The following DYNC2I1 variants were observed in gnomAD, a reference collection of about 807,000 sequenced individuals.
The protein encoded by DYNC2I1 is cytoplasmic dynein 2 intermediate chain 1.
Under a neutral mutation model 133.4 loss-of-function variants are expected in DYNC2I1, and 89 were observed. The observed-to-expected ratio is 0.67, with a 90% CI of 0.56 to 0.80. DYNC2I1 has a LOEUF of 0.80. Among genes scored for constraint, DYNC2I1 ranks in the 30% least tolerant of loss-of-function variants. The pLI is 0.00. For missense variants in DYNC2I1, 1,291 were observed against 1,314.5 expected (o/e 0.98, Z 0.28); for synonymous variants, 504 against 484.3 (o/e 1.04, Z -0.54).
At chr7:158,924,677 A>G (rs1470516830) in intron 17 of DYNC2I1, among the ~76,000 whole-genome samples, 1 of 152,220 alleles carries the variant, frequency 6.6e-6, no homozygotes, top group African/African-American at 2.4e-5. Context: ...TTACTAAAAA[A>G]TTTTTGAATT....
intron 3 of DYNC2I1, among the ~76,000 whole-genome samples, chr7:158,874,951 C>G (rs1329379892): frequency 6.6e-6 from 1 of 152,160 alleles, no homozygotes; most frequent in African/African-American, 2.4e-5. Flanking sequence ...GTCACAAGAC[C>G]TGGGATATAT....
intron 20 of DYNC2I1, among the ~76,000 whole-genome samples, chr7:158,928,845 C>A (rs533010584): frequency 6.6e-6 from 1 of 152,222 alleles, no homozygotes; most frequent in East Asian, 1.9e-4. Flanking sequence ...CTCTTGTGAC[C>A]TTAAGAGTGC....
At chr7:158,928,434 G>T (rs1231866371) in intron 20 of DYNC2I1, among the ~76,000 whole-genome samples, 1 of 152,224 alleles carries the variant, frequency 6.6e-6, no homozygotes, top group Non-Finnish European at 1.5e-5. Flanking sequence ...GATGAGGGAA[G>T]AGGCCACTTT....
chr7:158,879,999 C>G lies in DYNC2I1; in HGVS notation c.879+10C>G, dbSNP rs1308341651. 2.3e-5 allele frequency: 37 copies of G among 1,575,140 alleles called. No individual in the cohort carries two copies. The highest frequency in any genetic ancestry group is 3.1e-5 in the Non-Finnish European group (36 of 1,166,196). On this transcript the variant is annotated intron_variant, in intron 5 of 24. Transcript: ENST00000407559. ...GAAAAGGGAATCCCAGGTACCCCTTCTGATGCTTCGTTGCCTTAGCAGCCG... is the reference window on the plus strand; with the variant it reads ...GAAAAGGGAATCCCAGGTACCCCTTGTGATGCTTCGTTGCCTTAGCAGCCG...
At chr7:158,866,910 A>G (rs1395334427) in intron 1 of DYNC2I1, among the ~76,000 whole-genome samples, 1 of 151,492 alleles carries the variant, frequency 6.6e-6, no homozygotes, top group Non-Finnish European at 1.5e-5. Context: ...TGTTTAATAT[A>G]TTTATGAGGT....
chr7:158,930,187 A>G (rs1468974856), intron 20 of DYNC2I1, among the ~76,000 whole-genome samples: 2 of 151,384 alleles, frequency 1.3e-5, no homozygotes, highest in Non-Finnish European at 2.9e-5. Flanking sequence ...TTATTTTATC[A>G]GATCTAATGA....
rs529943812 is a variant in DYNC2I1 at position 158,924,149 on chromosome 7, C to T, written c.2257+416C>T. Among the ~76,000 whole-genome samples, 4 of 152,344 alleles carry T rather than the reference C, an allele frequency of 2.6e-5. No individual in the cohort carries two copies. The South Asian group carries it at 8.3e-4, about 32-fold the overall frequency. On this transcript the variant is annotated intron_variant, in intron 17 of 24. Transcript: ENST00000407559. ...GGCTTGACTCGGGTGGACATTCATA[C>T]TATGCCGTGCCCAGCCACCACAGTA...
At chr7:158,935,955 A>G (rs1476494206) in intron 23 of DYNC2I1, among the ~76,000 whole-genome samples, 1 of 152,176 alleles carries the variant, frequency 6.6e-6, no homozygotes, top group Non-Finnish European at 1.5e-5. Flanking sequence ...CACTTCGGGC[A>G]TCCCAGGCAG....
At chr7:158,954,068 A>G (rs187322979) in intron 4 of DYNC2I1, among the ~76,000 whole-genome samples, 60 of 152,138 alleles carry the variant, frequency 3.9e-4, no homozygotes, top group African/African-American at 1.4e-3. Context: ...TTCTCGAGAT[A>G]GTGAGTAAGT....
intron 1 of DYNC2I1, among the ~76,000 whole-genome samples, chr7:158,859,924 G>A (rs1841721917): frequency 1.3e-5 from 2 of 152,178 alleles, no homozygotes; most frequent in Admixed American, 6.5e-5. Flanking sequence ...TGGGTCATTA[G>A]AATCTAATTA....
chr7:158,933,824 T>G (rs929268097), intron 21 of DYNC2I1, among the ~76,000 whole-genome samples: 8 of 152,208 alleles, frequency 5.3e-5, no homozygotes, highest in African/African-American at 1.9e-4. Flanking sequence ...TTGAGACAGT[T>G]GTACAATCTA....
intron 23 of DYNC2I1, among the ~76,000 whole-genome samples, chr7:158,941,295 T>C (rs948175780): frequency 6.6e-6 from 1 of 152,226 alleles, no homozygotes; most frequent in African/African-American, 2.4e-5. Flanking sequence ...TGTAGTTTTT[T>C]AAAAGGTGCC....
chr7:158,922,876 G>T (rs887711103), intron 16 of DYNC2I1, among the ~76,000 whole-genome samples: 2 of 152,064 alleles, frequency 1.3e-5, no homozygotes, highest in African/African-American at 2.4e-5. Flanking sequence ...CTAGATGCCT[G>T]TGTTTTTGCC....
At chr7:158,936,884 G>A (rs1409461031) in intron 23 of DYNC2I1, among the ~76,000 whole-genome samples, 1 of 152,208 alleles carries the variant, frequency 6.6e-6, no homozygotes, top group Non-Finnish European at 1.5e-5. Context: ...CAGCAACCTA[G>A]CAGAGAAGAT....
chr7:158,858,157 A>G (rs1338600831), intron 1 of DYNC2I1, among the ~76,000 whole-genome samples: 2 of 151,868 alleles, frequency 1.3e-5, no homozygotes, highest in African/African-American at 4.8e-5. Context: ...TGCACTCCCC[A>G]TTTCTCCCTA....
intron 1 of DYNC2I1, among the ~76,000 whole-genome samples, chr7:158,864,545 G>A (rs1349424912): frequency 3.3e-5 from 5 of 152,166 alleles, no homozygotes; most frequent in East Asian, 1.9e-4. Flanking sequence ...GTTTCGCTGT[G>A]TTGCCTGGGC....
chr7:158,930,323 T>A (rs2730241), intron 20 of DYNC2I1, 132 bp from the exon 21 acceptor site: 5 of 805,440 alleles, frequency 6.2e-6, no homozygotes, highest in Non-Finnish European at 1.1e-5. Context: ...GGATGCTGTG[T>A]ATTGATTTGC....
At chr7:158,940,396 C>T (rs1237236913) in intron 23 of DYNC2I1, among the ~76,000 whole-genome samples, 1 of 152,176 alleles carries the variant, frequency 6.6e-6, no homozygotes, top group Non-Finnish European at 1.5e-5. Flanking sequence ...TCGCCTGCTG[C>T]TCACCTGTTG....
intron 1 of DYNC2I1, among the ~76,000 whole-genome samples, chr7:158,864,502 G>A (rs1296222012): frequency 1.3e-5 from 2 of 152,106 alleles, no homozygotes; most frequent in African/African-American, 4.8e-5. Context: ...ATCTGGTGAC[G>A]CTTTCCTCTG....
Sources: allele counts gnomAD v4.1 joint callset (sites outside exome capture counted in the v4.1 genomes callset), GRCh38; gene constraint gnomAD v4.1.1; transcripts MANE v1.5; gene names NCBI Gene and HGNC (gene_info 2026-07-23, HGNC 2026-07-21).